The following B3GALT1 variants were observed in gnomAD, a reference collection of about 807,000 sequenced individuals.
B3GALT1 encodes UDP-Gal:betaGlcNAc beta 1,3-galactosyltransferase, polypeptide 1.
Under a neutral mutation model 23.2 loss-of-function variants are expected in B3GALT1, and 10 were observed. The observed-to-expected ratio is 0.43, with a 90% CI of 0.27 to 0.73. B3GALT1 has a LOEUF of 0.73. Among genes scored for constraint, B3GALT1 ranks in the 30% least tolerant of loss-of-function variants. The pLI is 0.21. For synonymous variants in B3GALT1, 156 were observed against 141.5 expected (o/e 1.10, Z -0.73); for missense variants, 299 against 405.4 (o/e 0.74, Z 2.25).
At chr2:167,462,140 A>G (rs1034423597) in intron 1 of B3GALT1, among the ~76,000 whole-genome samples, 1 of 152,240 alleles carries the variant, frequency 6.6e-6, no homozygotes, top group East Asian at 1.9e-4. Context: ...TCAAGAGCAT[A>G]TAGTAAAATG....
At chr2:167,455,967 A>G (rs1359098769) in intron 1 of B3GALT1, among the ~76,000 whole-genome samples, 1 of 152,248 alleles carries the variant, frequency 6.6e-6, no homozygotes, top group Non-Finnish European at 1.5e-5. Flanking sequence ...GACCTACAGA[A>G]CAGTTGAGGG....
At chr2:167,634,806 T>G (rs1166987381) in intron 2 of B3GALT1, among the ~76,000 whole-genome samples, 1 of 152,126 alleles carries the variant, frequency 6.6e-6, no homozygotes, top group African/African-American at 2.4e-5. Flanking sequence ...CTTCTGAAAC[T>G]ATTCCAATCA....
chr2:167,551,994 T>C (rs950383344), intron 2 of B3GALT1, among the ~76,000 whole-genome samples: 4 of 152,204 alleles, frequency 2.6e-5, no homozygotes, highest in African/African-American at 9.7e-5. Context: ...TCTGTCATGT[T>C]CTAGGGTTTT....
intron 3 of B3GALT1, among the ~76,000 whole-genome samples, chr2:167,675,531 C>A (rs374845271): frequency 6.6e-6 from 1 of 152,070 alleles, no homozygotes; most frequent in African/African-American, 2.4e-5. Context: ...GCTGTCGGCT[C>A]ATGGTGAATG....
chr2:167,772,005 A>G (rs1265555282), intron 3 of B3GALT1, among the ~76,000 whole-genome samples: 1 of 152,196 alleles, frequency 6.6e-6, no homozygotes, highest in African/African-American at 2.4e-5. Flanking sequence ...GCTGCATTTT[A>G]TTTTAAAATA....
intron 2 of B3GALT1, among the ~76,000 whole-genome samples, chr2:167,621,240 C>G (rs1420907129): frequency 6.6e-6 from 1 of 151,838 alleles, no homozygotes; most frequent in East Asian, 2.0e-4. Context: ...AGGCACACAC[C>G]ACCACACCTG....
intron 2 of B3GALT1, among the ~76,000 whole-genome samples, chr2:167,533,670 C>G (rs1337447165): frequency 6.6e-6 from 1 of 152,140 alleles, no homozygotes. Flanking sequence ...CTATTTTTAA[C>G]CACTCTAATT....
chr2:167,626,495 G>T (rs906660037), intron 2 of B3GALT1, among the ~76,000 whole-genome samples: 1 of 151,704 alleles, frequency 6.6e-6, no homozygotes, highest in African/African-American at 2.4e-5. Context: ...TTTTGAGGCT[G>T]AAAATGTTGC....
At chr2:167,546,659 AC>A (rs1440025624) in intron 2 of B3GALT1, among the ~76,000 whole-genome samples, 1 of 152,100 alleles carries the variant, frequency 6.6e-6, no homozygotes, top group Non-Finnish European at 1.5e-5. Flanking sequence ...GTTCTCACAT[AC>A]TTCTGGCATC....
chr2:167,867,566 T>C (rs767798147), intron 4 of B3GALT1, among the ~76,000 whole-genome samples: 1 of 152,238 alleles, frequency 6.6e-6, no homozygotes, highest in Non-Finnish European at 1.5e-5. Context: ...TTGTCTCTGC[T>C]GTTCACATCG....
chr2:167,498,301 G>A (rs562763984), intron 2 of B3GALT1, among the ~76,000 whole-genome samples: 1 of 152,094 alleles, frequency 6.6e-6, no homozygotes, highest in Non-Finnish European at 1.5e-5. Flanking sequence ...GAAACACATG[G>A]TTATAAGATT....
At chr2:167,468,601 G>A (rs561559786) in intron 1 of B3GALT1, among the ~76,000 whole-genome samples, 1 of 152,304 alleles carries the variant, frequency 6.6e-6, no homozygotes, top group Admixed American at 6.5e-5. Flanking sequence ...GCCAGGCGCG[G>A]TGGCTCACAC....
At chr2:167,685,000 AC>A (rs1490299341) in intron 3 of B3GALT1, among the ~76,000 whole-genome samples, 1 of 152,028 alleles carries the variant, frequency 6.6e-6, no homozygotes, top group Non-Finnish European at 1.5e-5. Flanking sequence ...ACTACTTCCT[AC>A]TCCAAACTGT....
chr2:167,346,516 A>G (rs1697222968), intron 1 of B3GALT1, among the ~76,000 whole-genome samples: 1 of 152,182 alleles, frequency 6.6e-6, no homozygotes. Context: ...ATCCTTGAAT[A>G]ATAAGAATTA....
chr2:167,314,453 C>T (rs1032768120), intron 1 of B3GALT1, among the ~76,000 whole-genome samples: 2 of 152,104 alleles, frequency 1.3e-5, no homozygotes, highest in African/African-American at 2.4e-5. Flanking sequence ...TTTGCCAGCT[C>T]CTCTGATAAA....
At chr2:167,360,915 G>A (rs1334195291) in intron 1 of B3GALT1, among the ~76,000 whole-genome samples, 1 of 151,918 alleles carries the variant, frequency 6.6e-6, no homozygotes. Flanking sequence ...AACTCCATGA[G>A]CTCCACTGTA....
At chr2:167,461,325 G>A (rs982542452) in intron 1 of B3GALT1, among the ~76,000 whole-genome samples, 1 of 152,188 alleles carries the variant, frequency 6.6e-6, no homozygotes, top group African/African-American at 2.4e-5. Context: ...TTGCCATTCA[G>A]TCATCCCTCT....
intron 1 of B3GALT1, among the ~76,000 whole-genome samples, chr2:167,485,898 G>A (rs2105338916): frequency 6.6e-6 from 1 of 152,250 alleles, no homozygotes; most frequent in East Asian, 1.9e-4. Flanking sequence ...GGAAAGGCTT[G>A]TCTTAGCATT....
At chr2:167,796,465 A>T (rs1361651652) in intron 3 of B3GALT1, among the ~76,000 whole-genome samples, 1 of 152,152 alleles carries the variant, frequency 6.6e-6, no homozygotes, top group African/African-American at 2.4e-5. Flanking sequence ...AAAGTTTTAT[A>T]GGCCAGGTAT....
Sources: allele counts gnomAD v4.1 joint callset (sites outside exome capture counted in the v4.1 genomes callset), GRCh38; gene constraint gnomAD v4.1.1; transcripts MANE v1.5; gene names NCBI Gene and HGNC (gene_info 2026-07-23, HGNC 2026-07-21).